Variants in OLFML2B observed in about 807,000 individuals in gnomAD.
OLFML2B encodes olfactomedin-like protein 2B.
In OLFML2B, 57 loss-of-function variants were observed where a neutral mutation model predicts 74.9. The ratio of observed to expected loss-of-function variants is 0.76; its 90% CI spans 0.61 to 0.95. The LOEUF (loss-of-function observed/expected upper bound fraction) is 0.95. Among genes scored for constraint, OLFML2B ranks in the 40% least tolerant of loss-of-function variants. The probability of loss-of-function intolerance (pLI) is 0.00; values close to 1 mark genes in which losing one functional copy is unlikely to be tolerated. For synonymous variants in OLFML2B, 388 were observed against 405.8 expected (o/e 0.96, Z 0.53); for missense variants, 986 against 970.6 (o/e 1.02, Z -0.21).
chr1:161,997,387 G>C (rs1689941079), intron 6 of OLFML2B, among the ~76,000 whole-genome samples: 1 of 152,276 alleles, frequency 6.6e-6, no homozygotes, highest in South Asian at 2.1e-4. Flanking sequence ...CATTGCCCCA[G>C]CTATTCCCCT....
At chr1:162,006,984 C>T (rs985833189) in intron 3 of OLFML2B, among the ~76,000 whole-genome samples, 6 of 152,198 alleles carry the variant, frequency 3.9e-5, no homozygotes, top group African/African-American at 1.4e-4. Flanking sequence ...GAGCACAAAC[C>T]ATTCCCTGGT....
rs973341488 is a variant in OLFML2B at position 162,001,744 on chromosome 1, G to A, written c.724-1406C>T. On this transcript the variant is annotated intron_variant, in intron 4 of 7. Transcript: ENST00000294794. ...ATGTTGCTATCTCTGTAGACTATGG[G>A]AATCTGAAAGAAGAGAGACCATTTC... Among the ~76,000 whole-genome samples, 20 of 152,276 alleles carry A rather than the reference G, an allele frequency of 1.3e-4. No individual in the cohort carries two copies. The East Asian group carries it at 3.7e-3, about 28-fold the overall frequency.
chr1:161,999,477 G>A (rs560523324), intron 5 of OLFML2B, among the ~76,000 whole-genome samples: 1 of 152,308 alleles, frequency 6.6e-6, no homozygotes, highest in East Asian at 1.9e-4. Context: ...AGACAGACAG[G>A]AAGCTGCTGC....
At chr1:161,987,533 G>A (rs1415716998) in intron 6 of OLFML2B, among the ~76,000 whole-genome samples, 1 of 152,212 alleles carries the variant, frequency 6.6e-6, no homozygotes, top group East Asian at 1.9e-4. Context: ...TGGCAGCCAT[G>A]AGAAGCTGGA....
chr1:162,008,261 C>T (rs572310760), intron 3 of OLFML2B, among the ~76,000 whole-genome samples: 2 of 152,222 alleles, frequency 1.3e-5, no homozygotes, highest in South Asian at 2.1e-4. Flanking sequence ...TGAAACATAC[C>T]GGACTAAGTG....
At chr1:161,986,015 G>A (rs546185098) in intron 6 of OLFML2B, among the ~76,000 whole-genome samples, 140 of 152,284 alleles carry the variant, frequency 9.2e-4, no homozygotes, top group African/African-American at 3.0e-3. Context: ...GAAGTCACAC[G>A]TGACTAAGGG....
chr1:161,986,890 T>C (rs1689606498), intron 6 of OLFML2B, among the ~76,000 whole-genome samples: 1 of 152,200 alleles, frequency 6.6e-6, no homozygotes, highest in South Asian at 2.1e-4. Flanking sequence ...AGGTGAGGTG[T>C]TTTCTGTCTG....
intron 1 of OLFML2B, among the ~76,000 whole-genome samples, chr1:162,022,274 G>A (rs1254170957): frequency 5.9e-5 from 6 of 101,978 alleles, no homozygotes; most frequent in Non-Finnish European, 1.1e-4. Context: ...TTTTTGAGAC[G>A]GAGTCTCACT....
In OLFML2B at chr1:161,997,890, C is replaced by G. The variant is rs144089301; in HGVS notation, c.1409G>C (p.Trp470Ser). The part of the protein sequence containing the change: ...DSLGKDAPAG[W>S]GTTPASPTLS... ...CGTGGGGCTGGCAGGGGTTGTTCCCCACCCAGCAGGAGCATCTTTCCCCAG... is the reference window on the plus strand; with the variant it reads ...CGTGGGGCTGGCAGGGGTTGTTCCCGACCCAGCAGGAGCATCTTTCCCCAG... Residue 470 changes from tryptophan (W) to serine (S), a missense_variant, in exon 6 of 8, where the codon TGG becomes TCG. Transcript: ENST00000294794. 1.2e-4 allele frequency: 192 copies of G among 1,614,200 alleles called. No individual in the cohort carries two copies. In the African/African-American group the frequency reaches 2.0e-3, roughly 17 times the overall value.
intron 1 of OLFML2B, among the ~76,000 whole-genome samples, chr1:162,022,671 T>G (rs1269647555): frequency 1.3e-5 from 2 of 152,164 alleles, no homozygotes; most frequent in Admixed American, 1.3e-4. Context: ...ATCACTATCA[T>G]GGGTTACTCG....
chr1:162,006,508 C>T (rs774648414), intron 3 of OLFML2B, 35 bp from the exon 4 acceptor site: 3 of 1,512,082 alleles, frequency 2.0e-6, no homozygotes, highest in Non-Finnish European at 2.7e-6. Flanking sequence ...TCCATTAAAG[C>T]ACCCTGAAGA....
At position 162,000,353 on chromosome 1, in the gene OLFML2B, G is replaced by A. The variant is rs762363491; in HGVS notation, c.724-15C>T. 91 of 1,606,568 alleles carry A rather than the reference G, an allele frequency of 5.7e-5. No homozygotes were observed. Among genetic ancestry groups the A allele is most frequent in the Non-Finnish European group, 7.1e-5 (84 of 1,177,036 alleles). ...CGCTCTTCATACTGCTCCTCAGAGGGGACACAAGGGAAGGTCAGGTCACTG... is the reference window on the plus strand; with the variant it reads ...CGCTCTTCATACTGCTCCTCAGAGGAGACACAAGGGAAGGTCAGGTCACTG... On this transcript the variant is annotated splice_polypyrimidine_tract_variant and intron_variant, in intron 4 of 7. Transcript: ENST00000294794.
chr1:162,023,555 A>G lies in OLFML2B; in HGVS notation c.-125T>C, dbSNP rs1365577780. On this transcript the variant is annotated 5_prime_UTR_variant, in exon 1 of 8. It removes the in-frame stop codon of an upstream open reading frame in the 5' UTR. Coordinates refer to ENST00000294794, the MANE Select transcript of OLFML2B (RefSeq NM_015441.3). ...AAAGTGGCTGCTGAGAGCACCTTCTAAAGCTGGGTGCGGCTGAGCGGGACG... is the reference window on the plus strand; with the variant it reads ...AAAGTGGCTGCTGAGAGCACCTTCTGAAGCTGGGTGCGGCTGAGCGGGACG... 40 of 973,344 alleles carry G rather than the reference A, an allele frequency of 4.1e-5. No individual in the cohort carries two copies. In the East Asian group the frequency reaches 1.2e-3, roughly 29 times the overall value. 60.3% of individuals were successfully genotyped at this position (973,344 alleles called of 1,614,324 possible).
intron 4 of OLFML2B, among the ~76,000 whole-genome samples, chr1:162,004,183 C>T (rs909562632): frequency 4.6e-5 from 7 of 152,100 alleles, no homozygotes; most frequent in East Asian, 1.9e-4. Flanking sequence ...GCTGAGCCAC[C>T]GATGCCAGGT....
chr1:161,994,890 A>G (rs767863934), intron 6 of OLFML2B, among the ~76,000 whole-genome samples: 19 of 152,228 alleles, frequency 1.2e-4, no homozygotes, highest in Non-Finnish European at 2.5e-4. Flanking sequence ...TCTTTCTTTT[A>G]AAATTAGTGC....
At chr1:162,016,687 C>G (rs1690553459) in intron 3 of OLFML2B, among the ~76,000 whole-genome samples, 1 of 152,124 alleles carries the variant, frequency 6.6e-6, no homozygotes, top group Admixed American at 6.5e-5. Context: ...TTTTGGGTGA[C>G]TACATGATTT....
chr1:161,986,006 A>C (rs1689585427), intron 6 of OLFML2B, among the ~76,000 whole-genome samples: 2 of 152,162 alleles, frequency 1.3e-5, no homozygotes. Flanking sequence ...AATGATAGTG[A>C]AGTCACACGT....
At chr1:162,005,567 C>T (rs944593453) in intron 4 of OLFML2B, among the ~76,000 whole-genome samples, 1 of 152,118 alleles carries the variant, frequency 6.6e-6, no homozygotes, top group Non-Finnish European at 1.5e-5. Flanking sequence ...CAAACTGGGG[C>T]ATTTTTTAGA....
At chr1:162,018,936 G>T (rs534390097) in intron 2 of OLFML2B, among the ~76,000 whole-genome samples, 1 of 152,310 alleles carries the variant, frequency 6.6e-6, no homozygotes, top group East Asian at 1.9e-4. Context: ...TAGACATTTT[G>T]CCTTATAGTG....
Sources: gnomAD v4.1 joint callset for allele counts (sites outside exome capture counted in the v4.1 genomes callset) on GRCh38, gnomAD v4.1.1 for gene constraint, MANE v1.5 for transcripts, NCBI Gene and HGNC (gene_info 2026-07-23, HGNC 2026-07-21) for gene names.